Variants in DNAJC11 observed in about 807,000 individuals in gnomAD.
DNAJC11 encodes DnaJ heat shock protein family (Hsp40) member C11.
DNAJC11 carries 15 observed loss-of-function variants against 78.6 expected under a neutral mutation model. The ratio of observed to expected loss-of-function variants is 0.19; its 90% CI spans 0.13 to 0.29. DNAJC11 has a LOEUF of 0.29. Ranked by LOEUF, DNAJC11 falls within the 10% of genes least tolerant of loss-of-function variation. DNAJC11 has a pLI of 1.00. For synonymous variants in DNAJC11, 292 were observed against 272.1 expected, an observed-to-expected ratio of 1.07 and a Z score of -0.72; for missense variants, 547 against 709.6, an observed-to-expected ratio of 0.77 and a Z score of 2.60.
rs754785101 is a variant in DNAJC11, at chr1:6,635,691, A to C, written c.1664T>G (p.Ile555Ser). 3 of 1,614,120 alleles carry C rather than the reference A, an allele frequency of 1.9e-6. No individual in the cohort carries two copies. The South Asian group carries it at 3.3e-5, about 18-fold the overall frequency. The change falls in exon 16 of 16, where the codon ATC becomes AGC. Residue 555 changes from isoleucine (I) to serine (S), a missense_variant. Physicochemically the swap from Ile to Ser is moderately radical, Grantham distance 142. Coordinates refer to ENST00000377577, the MANE Select transcript of DNAJC11 (RefSeq NM_018198.4). ...ALRIPKQSHR[I>S]DTDG ...CTTGGCAGTTTATCCATCTGTATCG[A>C]TCCTGTGGGCTGTAAAGGAAAAGAC...
At position 6,680,007 on chromosome 1, in the gene DNAJC11, C is replaced by G. The variant is rs1174631357; in HGVS notation, c.202+901G>C. Among the ~76,000 whole-genome samples the G allele has an allele frequency of 1.3e-5, 2 of 152,196 alleles. No individual in the cohort carries two copies. The highest frequency in any genetic ancestry group is 1.3e-4 in the Admixed American group (2 of 15,278). ...ATTTTCACTGGCCATTAAAATCTAACTTTTTGGTAAAACTATAAAGTGAAA... is the reference window on the plus strand; with the variant it reads ...ATTTTCACTGGCCATTAAAATCTAAGTTTTTGGTAAAACTATAAAGTGAAA... On this transcript the variant is annotated intron_variant, in intron 2 of 15. Transcript: ENST00000377577. The surrounding 1 kb of genome is among the most constrained non-coding windows in gnomAD (Gnocchi z 4.0).
intron 1 of DNAJC11, among the ~76,000 whole-genome samples, chr1:6,698,626 TAAA>T (rs35596906): frequency 2.1e-5 from 3 of 145,924 alleles, no homozygotes; most frequent in Admixed American, 6.8e-5. Context: ...TTGGGAGAAG[TAAA>T]AAAAAAAAAA....
intron 1 of DNAJC11, 77 bp from the exon 2 acceptor site, chr1:6,681,114 G>C: frequency 6.8e-7 from 1 of 1,480,646 alleles, no homozygotes; most frequent in Non-Finnish European, 9.2e-7. Context: ...GCCTTGAAAT[G>C]GGAACCCATC....
intron 4 of DNAJC11, among the ~76,000 whole-genome samples, chr1:6,663,005 G>T (rs1642240702): frequency 6.6e-6 from 1 of 152,098 alleles, no homozygotes; most frequent in African/African-American, 2.4e-5. Context: ...CCCACCAAAA[G>T]GAATGAACTC....
chr1:6,700,365 T>C (rs1427509002), intron 1 of DNAJC11, among the ~76,000 whole-genome samples: 1 of 152,200 alleles, frequency 6.6e-6, no homozygotes, highest in Non-Finnish European at 1.5e-5. Context: ...GGTTTATTGC[T>C]CACACAAAGC....
Position 6,634,390 on chromosome 1 carries a change from C to T in DNAJC11, c.*1285G>A. 1 of 1,205,886 alleles carries T rather than the reference C, an allele frequency of 8.3e-7. No individual in the cohort carries two copies. Among genetic ancestry groups the T allele is most frequent in the Non-Finnish European group, 1.1e-6 (1 of 927,642 alleles). The allele number at this position is 1,205,886 out of a possible 1,614,324, so 74.7% of individuals were successfully genotyped here. On this transcript the variant is annotated 3_prime_UTR_variant, in exon 16 of 16. Transcript: ENST00000377577. ...ATGTTACAGAATTGGACAACCCGAA[C>T]TGCTTTTCAAAACCAGAGGAAGGAG...
At chr1:6,649,848 C>A (rs929473824) in intron 7 of DNAJC11, among the ~76,000 whole-genome samples, 3 of 151,920 alleles carry the variant, frequency 2.0e-5, no homozygotes, top group Non-Finnish European at 2.9e-5. Flanking sequence ...GCTGGGACTA[C>A]AGGCAAGCGC....
chr1:6,696,010 G>A (rs954072968), intron 1 of DNAJC11, among the ~76,000 whole-genome samples: 1 of 152,152 alleles, frequency 6.6e-6, no homozygotes, highest in Non-Finnish European at 1.5e-5. Context: ...TAAATGACTC[G>A]TTGAAGGTCA....
intron 10 of DNAJC11, among the ~76,000 whole-genome samples, chr1:6,640,538 T>A (rs770324098): frequency 2.6e-5 from 4 of 152,144 alleles, no homozygotes; most frequent in Non-Finnish European, 4.4e-5. Context: ...CTGGACCACA[T>A]ATAAAAAATT....
At chr1:6,686,331 A>G (rs1039462680) in intron 1 of DNAJC11, among the ~76,000 whole-genome samples, 1 of 152,248 alleles carries the variant, frequency 6.6e-6, no homozygotes, top group South Asian at 2.1e-4. Context: ...GAATAACTTA[A>G]GAATGTAAAG....
intron 1 of DNAJC11, among the ~76,000 whole-genome samples, chr1:6,694,456 G>A (rs771303571): frequency 1.5e-4 from 23 of 152,112 alleles, no homozygotes; most frequent in Non-Finnish European, 3.2e-4. Flanking sequence ...CCTTATAAAA[G>A]TGCCTGCTTT....
intron 3 of DNAJC11, among the ~76,000 whole-genome samples, chr1:6,676,006 G>A (rs1027257520): frequency 3.3e-5 from 5 of 152,114 alleles, no homozygotes; most frequent in East Asian, 1.9e-4. Flanking sequence ...AAAGAGTGAC[G>A]GGGAAATTGA....
At chr1:6,670,048 G>C (rs998918222) in intron 3 of DNAJC11, among the ~76,000 whole-genome samples, 1 of 151,536 alleles carries the variant, frequency 6.6e-6, no homozygotes, top group African/African-American at 2.4e-5. Flanking sequence ...CCGCCTCCCT[G>C]GTTCACACCA....
chr1:6,664,663 T>G (rs1012812223), intron 4 of DNAJC11, among the ~76,000 whole-genome samples: 2 of 152,224 alleles, frequency 1.3e-5, no homozygotes, highest in Non-Finnish European at 2.9e-5. Context: ...TTGGTACCAG[T>G]ACCACTTTGC....
chr1:6,652,399 AGACT>A (rs1642069422), intron 6 of DNAJC11, among the ~76,000 whole-genome samples: 1 of 152,166 alleles, frequency 6.6e-6, no homozygotes, highest in East Asian at 1.9e-4. Flanking sequence ...ACTGTGAGGA[AGACT>A]GACAGGACTT....
At chr1:6,636,391 G>A (rs1435009354) in intron 14 of DNAJC11, 145 bp from the exon 15 acceptor site, 30 of 1,288,754 alleles carry the variant, frequency 2.3e-5, no homozygotes, top group Non-Finnish European at 3.0e-5. Context: ...AAAGAAACAA[G>A]AATTTGAAAA....
chr1:6,655,320 A>G lies in DNAJC11; in HGVS notation c.379-1281T>C, dbSNP rs1339705476. Among the ~76,000 whole-genome samples, 3 of 152,164 alleles carry G rather than the reference A, an allele frequency of 2.0e-5. 1 individual carries two copies. The highest frequency in any genetic ancestry group is 4.4e-5 in the Non-Finnish European group (3 of 68,030). ...AAAAATTTTCTTATTAAATCAAGAA[A>G]CCCATGGACTAGAAACATCCTTAGA... On this transcript the variant is annotated intron_variant, in intron 4 of 15. Transcript: ENST00000377577.
At chr1:6,647,168 G>A (rs570475145) in intron 7 of DNAJC11, among the ~76,000 whole-genome samples, 24 of 139,752 alleles carry the variant, frequency 1.7e-4, no homozygotes, top group African/African-American at 6.1e-4. Flanking sequence ...TGCAACCTCC[G>A]CCTCCTGGAT....
At chr1:6,663,437 G>T (rs1372903484) in intron 4 of DNAJC11, among the ~76,000 whole-genome samples, 1 of 152,184 alleles carries the variant, frequency 6.6e-6, no homozygotes, top group Non-Finnish European at 1.5e-5. Flanking sequence ...GCCCTCCACA[G>T]AGGGAGAAGA....
Sources: gnomAD v4.1 joint callset for allele counts (sites outside exome capture counted in the v4.1 genomes callset) on GRCh38, gnomAD v4.1.1 for gene constraint, Gnocchi (gnomAD v3.1) non-coding constraint, MANE v1.5 for transcripts, NCBI Gene and HGNC (gene_info 2026-07-23, HGNC 2026-07-21) for gene names.